The following UBE2E2 variants were observed in gnomAD, a reference collection of about 807,000 sequenced individuals.
UBE2E2 encodes the protein ubiquitin conjugating enzyme E2 E2.
A neutral mutation model predicts 24.7 loss-of-function variants in UBE2E2; 6 were observed. The observed-to-expected ratio is 0.24, with a 90% CI of 0.13 to 0.48. The LOEUF is 0.48. Among genes scored for constraint, UBE2E2 ranks in the 20% least tolerant of loss-of-function variants. The pLI, the probability that UBE2E2 is intolerant of heterozygous loss-of-function variation, is 0.99. For missense variants in UBE2E2, 169 were observed against 245.0 expected (o/e 0.69, Z 2.07); for synonymous variants, 104 against 83.6 (o/e 1.24, Z -1.33).
At chr3:23,361,755 A>G (rs1696119223) in intron 3 of UBE2E2, among the ~76,000 whole-genome samples, 1 of 152,150 alleles carries the variant, frequency 6.6e-6, no homozygotes. Flanking sequence ...CTCAGAAATC[A>G]CCACTAAGGA....
At chr3:23,495,399 A>C (rs573980919) in intron 3 of UBE2E2, among the ~76,000 whole-genome samples, 15 of 152,192 alleles carry the variant, frequency 9.9e-5, no homozygotes, top group African/African-American at 3.6e-4. Flanking sequence ...TATTTAGCCT[A>C]TATCTTGTAA....
chr3:23,208,933 A>G (rs1420754216), intron 2 of UBE2E2, 58 bp downstream of exon 2: 25 of 1,448,602 alleles, frequency 1.7e-5, no homozygotes, highest in Admixed American at 2.5e-5. Context: ...CTTAAGTTCT[A>G]TTTTTCTCTT....
chr3:23,269,649 A>C (rs1698177416), intron 3 of UBE2E2, among the ~76,000 whole-genome samples: 1 of 152,228 alleles, frequency 6.6e-6, no homozygotes, highest in Non-Finnish European at 1.5e-5. Context: ...TCTGGGCACC[A>C]AAGAGCAGCT....
chr3:23,444,382 A>G (rs990791579), intron 3 of UBE2E2, among the ~76,000 whole-genome samples: 5 of 152,180 alleles, frequency 3.3e-5, no homozygotes, highest in Non-Finnish European at 7.4e-5. Flanking sequence ...AATTCAAAGT[A>G]TCCCAGCAGT....
chr3:23,319,155 A>T (rs532192125), intron 3 of UBE2E2, among the ~76,000 whole-genome samples: 2 of 152,200 alleles, frequency 1.3e-5, no homozygotes, highest in East Asian at 3.8e-4. Flanking sequence ...AGTTAATCCA[A>T]ATTGATCCTG....
intron 3 of UBE2E2, among the ~76,000 whole-genome samples, chr3:23,241,533 C>T (rs969208788): frequency 1.3e-5 from 2 of 152,120 alleles, no homozygotes; most frequent in African/African-American, 4.8e-5. Flanking sequence ...CCCTGTCCCT[C>T]AAATGTGCCA....
intron 3 of UBE2E2, among the ~76,000 whole-genome samples, chr3:23,258,709 T>A (rs1231839982): frequency 1.3e-5 from 2 of 151,892 alleles, no homozygotes; most frequent in African/African-American, 4.8e-5. Context: ...CTGGCTAACA[T>A]GGTAAAACCT....
intron 3 of UBE2E2, among the ~76,000 whole-genome samples, chr3:23,337,585 C>G (rs924791019): frequency 3.3e-5 from 5 of 152,100 alleles, no homozygotes; most frequent in African/African-American, 1.2e-4. Context: ...GACAACTTTA[C>G]TGAGGAATAA....
At chr3:23,513,503 C>T (rs6797907) in intron 4 of UBE2E2, among the ~76,000 whole-genome samples, 78,868 of 151,982 alleles carry the variant, frequency 0.52, 20,864 homozygotes, top group East Asian at 0.73. Context: ...TCACAAATAA[C>T]GTTTCACTGA....
At chr3:23,240,926 CACTT>C (rs776112345) in intron 3 of UBE2E2, among the ~76,000 whole-genome samples, 12 of 152,062 alleles carry the variant, frequency 7.9e-5, no homozygotes, top group Non-Finnish European at 1.5e-5. Context: ...TATATATTAA[CACTT>C]AAGGTTTAAT....
intron 3 of UBE2E2, among the ~76,000 whole-genome samples, chr3:23,285,240 C>T (rs929617302): frequency 2.0e-5 from 3 of 152,096 alleles, no homozygotes; most frequent in Admixed American, 6.5e-5. Context: ...AATAGTATTC[C>T]GTTGTGTATG....
intron 3 of UBE2E2, among the ~76,000 whole-genome samples, chr3:23,286,920 A>G (rs890106926): frequency 2.4e-4 from 37 of 152,130 alleles, no homozygotes; most frequent in African/African-American, 7.5e-4. Flanking sequence ...AAATAGAATT[A>G]CACTTTTAAT....
chr3:23,374,291 G>T (rs6550761), intron 3 of UBE2E2, among the ~76,000 whole-genome samples: 1 of 151,932 alleles, frequency 6.6e-6, no homozygotes, highest in Non-Finnish European at 1.5e-5. Flanking sequence ...TAAAAACAGA[G>T]ATATTGGTTT....
At position 23,214,449 on chromosome 3, in the gene UBE2E2, C is replaced by T. The variant is rs191691585; in HGVS notation, c.177-2813C>T. Among the ~76,000 whole-genome samples the T allele has an allele frequency of 3.9e-3, 591 of 152,016 alleles. 3 individuals are homozygous for T. The highest frequency in any genetic ancestry group is 0.013 in the African/African-American group (536 of 41,464). Reference sequence around the variant, plus strand: ...CTGAATTTTTTGTAGAGGAGTCTCACTGTGTTGTGCAGGTTGGTCTCGAAT... The same window carrying T: ...CTGAATTTTTTGTAGAGGAGTCTCATTGTGTTGTGCAGGTTGGTCTCGAAT... On this transcript the variant is annotated intron_variant, in intron 2 of 5. Transcript: ENST00000396703.
chr3:23,353,770 A>T (rs1405555768), intron 3 of UBE2E2, among the ~76,000 whole-genome samples: 1 of 152,178 alleles, frequency 6.6e-6, no homozygotes. Flanking sequence ...TTCCATGCTC[A>T]TGGGTAGGAA....
At chr3:23,420,720 T>G (rs1470647302) in intron 3 of UBE2E2, among the ~76,000 whole-genome samples, 1 of 151,918 alleles carries the variant, frequency 6.6e-6, no homozygotes, top group Non-Finnish European at 1.5e-5. Flanking sequence ...TCATGATATG[T>G]TTTTTTTGCA....
intron 3 of UBE2E2, among the ~76,000 whole-genome samples, chr3:23,217,545 A>G (rs1371164910): frequency 2.0e-5 from 3 of 152,270 alleles, no homozygotes; most frequent in Non-Finnish European, 4.4e-5. Flanking sequence ...GTGTAATGCA[A>G]TAACAGTAAG....
intron 3 of UBE2E2, among the ~76,000 whole-genome samples, chr3:23,434,333 T>TA (rs1430512403): frequency 6.6e-6 from 1 of 152,168 alleles, no homozygotes; most frequent in Non-Finnish European, 1.5e-5. Flanking sequence ...GATTTATCTC[T>TA]AATTTTATGA....
chr3:23,512,128 A>G (rs759136097), intron 4 of UBE2E2, among the ~76,000 whole-genome samples: 1 of 151,292 alleles, frequency 6.6e-6, no homozygotes, highest in Non-Finnish European at 1.5e-5. Flanking sequence ...CTGAGCTATG[A>G]AGTGATCTTG....
Sources: allele counts gnomAD v4.1 joint callset (sites outside exome capture counted in the v4.1 genomes callset), GRCh38; gene constraint gnomAD v4.1.1; transcripts MANE v1.5; gene names NCBI Gene and HGNC (gene_info 2026-07-23, HGNC 2026-07-21).